The following CSMD1 variants were observed in gnomAD, a reference collection of about 807,000 sequenced individuals.
CSMD1 encodes the protein CUB and Sushi multiple domains 1.
CSMD1 carries 213 observed loss-of-function variants against 417.5 expected under a neutral mutation model. That is an observed-to-expected ratio of 0.51 (90% CI 0.46 to 0.57). CSMD1 has a LOEUF of 0.57. CSMD1 is among the 20% of genes least tolerant of loss of function. The probability of loss-of-function intolerance (pLI) is 0.00; values close to 1 mark genes in which losing one functional copy is unlikely to be tolerated. For synonymous variants in CSMD1, 2,862 were observed against 1,736.8 expected, an observed-to-expected ratio of 1.65 and a Z score of -16.11; for missense variants, 6,923 against 4,529.7, an observed-to-expected ratio of 1.53 and a Z score of -15.17.
intron 18 of CSMD1, among the ~76,000 whole-genome samples, chr8:3,382,088 T>C (rs1025747535): frequency 6.6e-6 from 1 of 151,932 alleles, no homozygotes; most frequent in Non-Finnish European, 1.5e-5. Context: ...CAAAACCCTG[T>C]CTCTACTAAA....
chr8:3,465,634 A>G lies in CSMD1; in HGVS notation c.1561+3078T>C, dbSNP rs577724432. Reference sequence around the variant, plus strand: ...ATCCGAAGATTTGAGGGTCCCCGAAATATTTTACACTACTCAGGCTATTCC... The same window carrying G: ...ATCCGAAGATTTGAGGGTCCCCGAAGTATTTTACACTACTCAGGCTATTCC... On this transcript the variant is annotated intron_variant, in intron 12 of 69. Coordinates refer to ENST00000635120, the MANE Select transcript of CSMD1 (RefSeq NM_033225.6). Among the ~76,000 whole-genome samples, 9 of 152,266 alleles carry G rather than the reference A, an allele frequency of 5.9e-5. No individual in the cohort carries two copies. The East Asian group carries it at 1.4e-3, about 23-fold the overall frequency.
At chr8:3,293,013 G>A (rs1803694765) in intron 25 of CSMD1, among the ~76,000 whole-genome samples, 1 of 151,994 alleles carries the variant, frequency 6.6e-6, no homozygotes, top group South Asian at 2.1e-4. Context: ...GTCTTTTAGG[G>A]CAGGCCTGGT....
chr8:3,461,950 G>A (rs1359645268), intron 12 of CSMD1, among the ~76,000 whole-genome samples: 1 of 152,184 alleles, frequency 6.6e-6, no homozygotes, highest in African/African-American at 2.4e-5. Context: ...TCCTCACATG[G>A]GCCGGACAGG....
chr8:3,449,183 C>G (rs527833773), intron 12 of CSMD1, among the ~76,000 whole-genome samples: 19 of 152,264 alleles, frequency 1.2e-4, no homozygotes, highest in African/African-American at 4.3e-4. Context: ...TGGGGGGAAT[C>G]AGTTCTTAAA....
At chr8:4,862,364 C>G (rs1227762451) in intron 1 of CSMD1, among the ~76,000 whole-genome samples, 1 of 152,068 alleles carries the variant, frequency 6.6e-6, no homozygotes, top group Non-Finnish European at 1.5e-5. Flanking sequence ...GGAGAATTAA[C>G]TTGATTTGGC....
intron 7 of CSMD1, among the ~76,000 whole-genome samples, chr8:3,634,076 G>T (rs540928406): frequency 2.0e-5 from 3 of 152,112 alleles, no homozygotes; most frequent in Non-Finnish European, 2.9e-5. Flanking sequence ...AGGGGGTGGT[G>T]GGGGGAGGGG....
At chr8:4,462,758 T>C (rs1360878209) in intron 2 of CSMD1, among the ~76,000 whole-genome samples, 2 of 152,196 alleles carry the variant, frequency 1.3e-5, no homozygotes, top group African/African-American at 4.8e-5. Context: ...CAATAAATGG[T>C]GCTCAGACAA....
intron 5 of CSMD1, among the ~76,000 whole-genome samples, chr8:3,921,586 T>C (rs576218809): frequency 6.6e-6 from 1 of 152,104 alleles, no homozygotes; most frequent in Non-Finnish European, 1.5e-5. Flanking sequence ...GTGTGCTTGG[T>C]TTCCATTTTC....
At chr8:4,293,094 GA>G (rs1264347838) in intron 3 of CSMD1, among the ~76,000 whole-genome samples, 1 of 152,164 alleles carries the variant, frequency 6.6e-6, no homozygotes, top group Non-Finnish European at 1.5e-5. Flanking sequence ...TGCACATGCG[GA>G]AACAGCAGGA....
intron 2 of CSMD1, among the ~76,000 whole-genome samples, chr8:4,596,451 T>G (rs1327996824): frequency 6.6e-6 from 1 of 152,170 alleles, no homozygotes; most frequent in East Asian, 1.9e-4. Context: ...TTGATCATTA[T>G]GCAAATAATT....
chr8:4,782,912 T>C (rs1411042171), intron 1 of CSMD1, among the ~76,000 whole-genome samples: 1 of 151,546 alleles, frequency 6.6e-6, no homozygotes, highest in Admixed American at 6.6e-5. Context: ...AAAAGTGCCA[T>C]ATTTGGATTC....
chr8:3,445,887 G>A (rs917734748), intron 12 of CSMD1, among the ~76,000 whole-genome samples: 3 of 152,134 alleles, frequency 2.0e-5, no homozygotes, highest in Admixed American at 1.3e-4. Flanking sequence ...TAGCAAAAGC[G>A]TAAAATTGAG....
chr8:4,318,562 C>T (rs183768585), intron 3 of CSMD1, among the ~76,000 whole-genome samples: 64 of 152,152 alleles, frequency 4.2e-4, no homozygotes, highest in Admixed American at 1.1e-3. Context: ...AGAGCTTTTA[C>T]ACTAAAAAGA....
At chr8:4,678,991 A>G (rs560915903) in intron 1 of CSMD1, among the ~76,000 whole-genome samples, 4 of 152,320 alleles carry the variant, frequency 2.6e-5, no homozygotes, top group African/African-American at 4.8e-5. Flanking sequence ...CCGACTCTCA[A>G]CCTCACCCAC....
intron 1 of CSMD1, among the ~76,000 whole-genome samples, chr8:4,926,895 A>T (rs1806906064): frequency 6.6e-6 from 1 of 152,230 alleles, no homozygotes; most frequent in South Asian, 2.1e-4. Context: ...TATAATGAGC[A>T]AAGGTAACTT....
chr8:3,259,496 A>C (rs1010602801), intron 26 of CSMD1, among the ~76,000 whole-genome samples: 1 of 152,230 alleles, frequency 6.6e-6, no homozygotes, highest in South Asian at 2.1e-4. Context: ...TGAAATTTTC[A>C]GTCTGATATT....
chr8:3,246,793 A>G (rs778093477), intron 26 of CSMD1, among the ~76,000 whole-genome samples: 2 of 152,076 alleles, frequency 1.3e-5, no homozygotes, highest in Non-Finnish European at 2.9e-5. Flanking sequence ...CTTAATCATC[A>G]ATATTTACAT....
At chr8:4,620,018 T>C (rs562249763) in intron 2 of CSMD1, among the ~76,000 whole-genome samples, 58 of 152,184 alleles carry the variant, frequency 3.8e-4, no homozygotes, top group African/African-American at 1.4e-3. Flanking sequence ...TGATTTTATA[T>C]ATGCATTTTA....
At chr8:4,011,516 C>T (rs1196104286) in intron 4 of CSMD1, among the ~76,000 whole-genome samples, 1 of 152,150 alleles carries the variant, frequency 6.6e-6, no homozygotes, top group African/African-American at 2.4e-5. Context: ...GAGTTTCACC[C>T]TCCTGGGTTT....
Sources: gnomAD v4.1 joint callset for allele counts (sites outside exome capture counted in the v4.1 genomes callset) on GRCh38, gnomAD v4.1.1 for gene constraint, MANE v1.5 for transcripts, NCBI Gene and HGNC (gene_info 2026-07-23, HGNC 2026-07-21) for gene names.